The following MYO5B variants were observed in gnomAD, a reference collection of about 807,000 sequenced individuals.
MYO5B encodes the protein myosin VB, also known as unconventional myosin-Vb.
Under a neutral mutation model 229.3 loss-of-function variants are expected in MYO5B, and 143 were observed. That is an observed-to-expected ratio of 0.62 (90% confidence interval 0.54 to 0.72). The LOEUF (loss-of-function observed/expected upper bound fraction) is 0.72. MYO5B is among the 30% of genes least tolerant of loss of function. The probability of loss-of-function intolerance (pLI) is 0.00; values close to 1 mark genes in which losing one functional copy is unlikely to be tolerated. For synonymous variants in MYO5B, 918 were observed against 885.2 expected (o/e 1.04, Z -0.66); for missense variants, 2,321 against 2,331.0 (o/e 1.00, Z 0.09).
intron 39 of MYO5B, among the ~76,000 whole-genome samples, chr18:49,831,223 T>C (rs1319427414): frequency 6.6e-6 from 1 of 152,126 alleles, no homozygotes; most frequent in Non-Finnish European, 1.5e-5. Context: ...TTTATGGTTC[T>C]TAAAAATGAC....
chr18:49,939,779 A>G (rs1466147504), intron 14 of MYO5B, among the ~76,000 whole-genome samples: 3 of 152,250 alleles, frequency 2.0e-5, no homozygotes, highest in Non-Finnish European at 4.4e-5. Flanking sequence ...TAAACCCACA[A>G]TATCAAGGAA....
chr18:49,967,365 C>T (rs1274400962), intron 10 of MYO5B, among the ~76,000 whole-genome samples: 3 of 152,178 alleles, frequency 2.0e-5, no homozygotes, highest in Non-Finnish European at 4.4e-5. Flanking sequence ...TCTCTCACTC[C>T]ATGACCTGGA....
intron 3 of MYO5B, among the ~76,000 whole-genome samples, chr18:50,039,567 G>A (rs2029943773): frequency 6.6e-6 from 1 of 152,104 alleles, no homozygotes; most frequent in Non-Finnish European, 1.5e-5. Context: ...TCCTGACCTC[G>A]TGATCCGCCC....
chr18:49,841,250 G>T, intron 35 of MYO5B, 115 bp downstream of exon 35: 1 of 960,978 alleles, frequency 1.0e-6, no homozygotes. Flanking sequence ...CCCACGGTCT[G>T]AGGTCCCCAA....
chr18:50,107,462 C>A (rs2031783260), intron 1 of MYO5B, among the ~76,000 whole-genome samples: 1 of 152,134 alleles, frequency 6.6e-6, no homozygotes, highest in Non-Finnish European at 1.5e-5. Flanking sequence ...CTACCGTATT[C>A]TCACATCTTG....
At chr18:49,871,561 C>G (rs1598846782) in intron 27 of MYO5B, 1 of 155,154 alleles carries the variant, frequency 6.4e-6, no homozygotes, top group East Asian at 1.9e-4. Flanking sequence ...TATTTTTTGA[C>G]AAGTCAAGTG....
chr18:49,921,639 G>A (rs2025076861), intron 17 of MYO5B, among the ~76,000 whole-genome samples: 1 of 152,158 alleles, frequency 6.6e-6, no homozygotes, highest in South Asian at 2.1e-4. Flanking sequence ...GGGAACACCC[G>A]GCAGCTACTG....
intron 2 of MYO5B, 43 bp downstream of exon 2, chr18:50,055,225 G>GGGCCCCCCCCCCCCCCC: frequency 1.4e-5 from 10 of 700,370 alleles, no homozygotes; most frequent in African/African-American, 1.8e-5. Context: ...TGAGCTCCCT[G>GGGCCCCCCCCCCCCCCC]CCCCACCTCA....
At chr18:50,040,809 C>A (rs950941868) in intron 2 of MYO5B, among the ~76,000 whole-genome samples, 2 of 152,130 alleles carry the variant, frequency 1.3e-5, no homozygotes, top group Non-Finnish European at 2.9e-5. Flanking sequence ...GCACGTTCTT[C>A]TAGGGCAGTA....
chr18:49,883,621 G>A (rs1342521361), intron 22 of MYO5B, among the ~76,000 whole-genome samples: 2 of 150,052 alleles, frequency 1.3e-5, no homozygotes. Flanking sequence ...AGAAATTCAT[G>A]AGCTGTTCCT....
At chr18:50,024,611 C>T (rs2144363364) in intron 4 of MYO5B, among the ~76,000 whole-genome samples, 1 of 152,292 alleles carries the variant, frequency 6.6e-6, no homozygotes, top group South Asian at 2.1e-4. Flanking sequence ...TACACTCCTC[C>T]CTCTGGCTTC....
chr18:50,061,713 A>T (rs189851154), intron 1 of MYO5B, among the ~76,000 whole-genome samples: 52 of 152,328 alleles, frequency 3.4e-4, no homozygotes, highest in African/African-American at 6.7e-4. Flanking sequence ...CTGTATTTTT[A>T]AAAAACTTCC....
chr18:49,903,465 T>C (rs995079176), intron 20 of MYO5B, among the ~76,000 whole-genome samples: 3 of 152,222 alleles, frequency 2.0e-5, no homozygotes, highest in Non-Finnish European at 4.4e-5. Flanking sequence ...TTGCACATGC[T>C]GCCCCTGCTG....
At position 49,843,316 on chromosome 18, in the gene MYO5B, C is replaced by T. The variant is rs368186579; in HGVS notation, c.4536G>A (p.Ala1512=). 70 of 1,614,140 alleles carry T rather than the reference C, an allele frequency of 4.3e-5. No homozygotes were observed. The highest frequency in any genetic ancestry group is 2.3e-4 in the African/African-American group (17 of 75,024). ...AYILYMCIRH[A]DYTNDDLKVH... is the part of the protein sequence containing the mutation. ...CCTTGAGATCGTCGTTGGTGTAGTC[C>T]GCGTGCCGGATGCACATGTAGAGGA... The change falls in exon 34 of 40, where the codon GCG becomes GCA. Residue 1512 remains alanine, a synonymous_variant. Coordinates refer to ENST00000285039, the MANE Select transcript of MYO5B (RefSeq NM_001080467.3).
At chr18:50,002,477 A>G (rs1486769818) in intron 4 of MYO5B, among the ~76,000 whole-genome samples, 1 of 152,218 alleles carries the variant, frequency 6.6e-6, no homozygotes, top group Non-Finnish European at 1.5e-5. Context: ...CTAGCAAGCC[A>G]TAGAAGCTGG....
At chr18:49,842,988 G>C (rs2024078049) in intron 34 of MYO5B, among the ~76,000 whole-genome samples, 1 of 152,240 alleles carries the variant, frequency 6.6e-6, no homozygotes, top group South Asian at 2.1e-4. Context: ...CATGTCTGGA[G>C]GCTCAGCAGG....
chr18:49,964,994 A>G lies in MYO5B; in HGVS notation c.1323-1964T>C, dbSNP rs569258757. Among the ~76,000 whole-genome samples the G allele has an allele frequency of 3.3e-5, 5 of 152,358 alleles. No individual in the cohort carries two copies. In the South Asian group the frequency reaches 6.2e-4, roughly 19 times the overall value. On this transcript the variant is annotated intron_variant, in intron 10 of 39. Coordinates refer to ENST00000285039, the MANE Select transcript of MYO5B (RefSeq NM_001080467.3). ...AGCAGAGAGATTCCGAAGGATGTCA[A>G]GTTAAGAACTGACAACCTGACCTGC...
intron 39 of MYO5B, among the ~76,000 whole-genome samples, chr18:49,827,814 T>C (rs2023865268): frequency 6.6e-6 from 1 of 151,556 alleles, no homozygotes; most frequent in Non-Finnish European, 1.5e-5. Flanking sequence ...TATGTAATCA[T>C]CCAAAAAGTT....
chr18:50,022,651 T>C (rs1032270833), intron 4 of MYO5B, among the ~76,000 whole-genome samples: 1 of 152,196 alleles, frequency 6.6e-6, no homozygotes, highest in African/African-American at 2.4e-5. Flanking sequence ...GTTTGTTAGA[T>C]TCCTACTCAG....
Sources: gnomAD v4.1 joint callset for allele counts (sites outside exome capture counted in the v4.1 genomes callset) on GRCh38, gnomAD v4.1.1 for gene constraint, MANE v1.5 for transcripts, NCBI Gene and HGNC (gene_info 2026-07-23, HGNC 2026-07-21) for gene names.